Variants in NELL2 observed in about 807,000 individuals in gnomAD.
NELL2 encodes protein kinase C-binding protein NELL2.
In NELL2, 41 loss-of-function variants were observed where a neutral mutation model predicts 109.6. That is an observed-to-expected ratio of 0.37 (90% CI 0.29 to 0.49). The LOEUF (loss-of-function observed/expected upper bound fraction) is 0.49. Ranked by LOEUF, NELL2 falls within the 20% of genes least tolerant of loss-of-function variation. NELL2 has a pLI of 0.98. For missense variants in NELL2, 900 were observed against 1,008.3 expected, an observed-to-expected ratio of 0.89 and a Z score of 1.45; for synonymous variants, 355 against 344.7, an observed-to-expected ratio of 1.03 and a Z score of -0.33.
intron 11 of NELL2, among the ~76,000 whole-genome samples, chr12:44,708,230 C>T (rs930304012): frequency 1.3e-5 from 2 of 152,180 alleles, no homozygotes; most frequent in East Asian, 3.8e-4. Context: ...AACTTTTCTG[C>T]TACATTTCTT....
chr12:44,791,996 A>G (rs1038340382), intron 3 of NELL2, among the ~76,000 whole-genome samples: 36 of 152,172 alleles, frequency 2.4e-4, no homozygotes, highest in African/African-American at 8.4e-4. Context: ...GAGGCACAGC[A>G]AAGGAAACCA....
chr12:44,836,127 G>T (rs1944047024), intron 2 of NELL2, among the ~76,000 whole-genome samples: 1 of 152,304 alleles, frequency 6.6e-6, no homozygotes, highest in South Asian at 2.1e-4. Context: ...GAATTGCAAG[G>T]CTGAGAGGAA....
chr12:44,822,618 C>T (rs1437619961), intron 2 of NELL2, among the ~76,000 whole-genome samples: 3 of 152,168 alleles, frequency 2.0e-5, no homozygotes, highest in Non-Finnish European at 4.4e-5. Flanking sequence ...TATAGAGAAA[C>T]TTATCGACAT....
chr12:44,598,922 GATAAA>G lies in NELL2; in HGVS notation c.1663+8242_1663+8246del, dbSNP rs1945084354. Among the ~76,000 whole-genome samples the G allele has an allele frequency of 4.8e-5, 7 of 147,226 alleles. No homozygotes were observed. In the South Asian group the frequency reaches 1.5e-3, roughly 32 times the overall value. Reference sequence around the variant, plus strand: ...TCTCTCTCTCTCTCACGCACTCACAGATAAAAAAAATCCACCAGCACAGGCGATTA... The same window carrying G: ...TCTCTCTCTCTCTCACGCACTCACAGAAAAATCCACCAGCACAGGCGATTA... On this transcript the variant is annotated intron_variant, in intron 15 of 19. Coordinates refer to ENST00000429094, the MANE Select transcript of NELL2 (RefSeq NM_001145108.2).
At chr12:44,734,171 T>A (rs1939518377) in intron 9 of NELL2, among the ~76,000 whole-genome samples, 1 of 152,052 alleles carries the variant, frequency 6.6e-6, no homozygotes, top group Admixed American at 6.5e-5. Context: ...GGCTATATTA[T>A]TAGGTAAATG....
chr12:44,567,922 A>G (rs1445126200), intron 15 of NELL2, among the ~76,000 whole-genome samples: 1 of 152,182 alleles, frequency 6.6e-6, no homozygotes, highest in Non-Finnish European at 1.5e-5. Context: ...ATATATTTAT[A>G]TTTGGGAATT....
At chr12:44,651,070 T>C (rs1947283138) in intron 13 of NELL2, among the ~76,000 whole-genome samples, 1 of 152,218 alleles carries the variant, frequency 6.6e-6, no homozygotes, top group Non-Finnish European at 1.5e-5. Context: ...TAGATTCTCA[T>C]AGAAGCATGA....
At chr12:44,565,356 T>C (rs1943615391) in intron 15 of NELL2, among the ~76,000 whole-genome samples, 1 of 152,182 alleles carries the variant, frequency 6.6e-6, no homozygotes, top group African/African-American at 2.4e-5. Flanking sequence ...AATTAAACAA[T>C]GACATCATCA....
At chr12:44,576,656 G>A (rs1407440869) in intron 15 of NELL2, among the ~76,000 whole-genome samples, 16 of 151,588 alleles carry the variant, frequency 1.1e-4, no homozygotes, top group African/African-American at 3.6e-4. Context: ...CCACTAACTT[G>A]TCATCTAGCA....
intron 12 of NELL2, among the ~76,000 whole-genome samples, chr12:44,691,873 G>C (rs1310982917): frequency 1.3e-5 from 2 of 152,126 alleles, no homozygotes; most frequent in African/African-American, 4.8e-5. Context: ...AAAGTTTAAA[G>C]CTAGCAGAAG....
chr12:44,675,053 A>G (rs1179210885), intron 12 of NELL2, among the ~76,000 whole-genome samples: 1 of 152,180 alleles, frequency 6.6e-6, no homozygotes, highest in African/African-American at 2.4e-5. Flanking sequence ...CTCATTTACA[A>G]TGGTCTGATG....
intron 13 of NELL2, among the ~76,000 whole-genome samples, chr12:44,653,106 A>G (rs770841566): frequency 2.2e-4 from 34 of 152,138 alleles, no homozygotes; most frequent in Admixed American, 5.9e-4. Context: ...AGATCTGGGG[A>G]TTAGGATGTG....
intron 9 of NELL2, among the ~76,000 whole-genome samples, chr12:44,772,706 T>C (rs1472451917): frequency 6.6e-6 from 1 of 152,186 alleles, no homozygotes. Flanking sequence ...ATGGTACTTA[T>C]ATATCATTAA....
intron 6 of NELL2, 32 bp from the exon 7 acceptor site, chr12:44,777,156 T>A: frequency 1.2e-6 from 2 of 1,612,782 alleles, no homozygotes; most frequent in Non-Finnish European, 1.7e-6. Context: ...TTGGTCAAGA[T>A]GCATTTATAA....
intron 19 of NELL2, among the ~76,000 whole-genome samples, chr12:44,510,288 T>A (rs1313583099): frequency 1.3e-5 from 2 of 152,178 alleles, no homozygotes; most frequent in East Asian, 3.9e-4. Flanking sequence ...CCAGTTGGAT[T>A]CCTATTAATA....
intron 3 of NELL2, among the ~76,000 whole-genome samples, chr12:44,786,840 C>T (rs796870701): frequency 2.0e-4 from 31 of 152,104 alleles, no homozygotes; most frequent in African/African-American, 7.5e-4. Flanking sequence ...AACACATGGA[C>T]ACAGAGAGGA....
intron 2 of NELL2, among the ~76,000 whole-genome samples, chr12:44,821,339 T>C (rs1402222177): frequency 6.6e-6 from 1 of 152,200 alleles, no homozygotes; most frequent in Non-Finnish European, 1.5e-5. Flanking sequence ...CACTAAATTG[T>C]ACTGCTCCTG....
intron 3 of NELL2, among the ~76,000 whole-genome samples, chr12:44,795,021 C>T (rs114071617): frequency 0.014 from 2,199 of 152,228 alleles, 52 homozygotes; most frequent in African/African-American, 0.05. Flanking sequence ...CATAAACTAA[C>T]TTAAGATTAG....
chr12:44,827,560 G>A (rs951855017), intron 2 of NELL2, among the ~76,000 whole-genome samples: 1 of 151,974 alleles, frequency 6.6e-6, no homozygotes, highest in Non-Finnish European at 1.5e-5. Context: ...CCACAAATAA[G>A]TGAGAAGATG....
Sources: allele counts gnomAD v4.1 joint callset (sites outside exome capture counted in the v4.1 genomes callset), GRCh38; gene constraint gnomAD v4.1.1; transcripts MANE v1.5; gene names NCBI Gene and HGNC (gene_info 2026-07-23, HGNC 2026-07-21).